Variants in SNX9 observed in about 807,000 individuals in gnomAD.
SNX9 encodes sorting nexin 9.
SNX9 carries 44 observed loss-of-function variants against 89.4 expected under a neutral mutation model. That is an observed-to-expected ratio of 0.49 (90% confidence interval 0.39 to 0.63). The LOEUF is 0.63. Among genes scored for constraint, SNX9 ranks in the 30% least tolerant of loss-of-function variants. The pLI, the probability that SNX9 is intolerant of heterozygous loss-of-function variation, is 0.00. For missense variants in SNX9, 578 were observed against 736.1 expected (o/e 0.79, Z 2.49); for synonymous variants, 236 against 247.8 (o/e 0.95, Z 0.45).
chr6:157,890,214 T>C (rs1173933327), intron 4 of SNX9, among the ~76,000 whole-genome samples: 5 of 152,190 alleles, frequency 3.3e-5, no homozygotes, highest in Non-Finnish European at 1.5e-5. Flanking sequence ...ATGTGCAGCT[T>C]TCCTACACTC....
rs1208803818 is a variant in SNX9 at position 157,874,499 on chromosome 6, C to T, written c.175-552C>T. ...TGCTTACCTTTAAGAATATAAAACC[C>T]CCTCTATTAGAAATAGATCCTGCAG... On this transcript the variant is annotated intron_variant, in intron 3 of 17. Coordinates refer to ENST00000392185, the MANE Select transcript of SNX9 (RefSeq NM_016224.5). The T allele has an allele frequency of 2.0e-5, 3 of 152,132 alleles. No homozygotes were observed. In the South Asian group the frequency reaches 6.2e-4, roughly 31 times the overall value. 9.4% of individuals were successfully genotyped at this position (152,132 alleles called of 1,614,324 possible).
At chr6:157,897,923 ACCAGCCC>A (rs1316272202) in intron 5 of SNX9, among the ~76,000 whole-genome samples, 1 of 152,092 alleles carries the variant, frequency 6.6e-6, no homozygotes, top group Non-Finnish European at 1.5e-5. Context: ...CCTTCTGTTG[ACCAGCCC>A]CCATCCCACC....
intron 4 of SNX9, among the ~76,000 whole-genome samples, chr6:157,894,198 C>G (rs1476079923): frequency 6.8e-6 from 1 of 146,856 alleles, no homozygotes; most frequent in African/African-American, 2.5e-5. Flanking sequence ...CAATCTCCGC[C>G]TCCTGGATTC....
intron 1 of SNX9, among the ~76,000 whole-genome samples, chr6:157,833,656 C>A (rs1781516643): frequency 6.6e-6 from 1 of 152,196 alleles, no homozygotes; most frequent in African/African-American, 2.4e-5. Context: ...CATGTGCCTT[C>A]TCCCTCAGGA....
At chr6:157,935,284 A>G (rs1180678677) in intron 13 of SNX9, among the ~76,000 whole-genome samples, 1 of 152,220 alleles carries the variant, frequency 6.6e-6, no homozygotes, top group East Asian at 1.9e-4. Context: ...AACTCATACT[A>G]AAATAAAAGA....
In SNX9 at chr6:157,938,728, C is replaced by G; in HGVS notation, c.1629C>G (p.Ile543Met). Residue 543 changes from isoleucine to methionine, a missense_variant, in exon 16 of 18, where the codon ATC becomes ATG. Coordinates refer to ENST00000392185, the MANE Select transcript of SNX9 (RefSeq NM_016224.5). ...AGAACATGGTGAAGAGAGTCAGCATCATGTCTTACGCGTTGCAAGGTAAGA... is the reference window on the plus strand; with the variant it reads ...AGAACATGGTGAAGAGAGTCAGCATGATGTCTTACGCGTTGCAAGGTAAGA... ...DKQNMVKRVS[I>M]MSYALQAEMN... The G allele has an allele frequency of 6.2e-7, 1 of 1,613,834 alleles. No individual in the cohort carries two copies. The highest frequency in any genetic ancestry group is 8.5e-7 in the Non-Finnish European group (1 of 1,179,810).
chr6:157,936,108 C>T, intron 14 of SNX9, 68 bp downstream of exon 14: 1 of 1,303,324 alleles, frequency 7.7e-7, no homozygotes, highest in Non-Finnish European at 1.1e-6. Context: ...TAATTTAAAA[C>T]CTGTCTTAGG....
At chr6:157,876,764 GC>G (rs1782530118) in intron 4 of SNX9, among the ~76,000 whole-genome samples, 1 of 152,230 alleles carries the variant, frequency 6.6e-6, no homozygotes, top group Admixed American at 6.5e-5. Flanking sequence ...GCCGTTTGAG[GC>G]CCCGCGCCCT....
intron 1 of SNX9, among the ~76,000 whole-genome samples, chr6:157,862,444 C>T (rs1008762062): frequency 3.3e-5 from 5 of 152,184 alleles, no homozygotes; most frequent in Admixed American, 2.6e-4. Flanking sequence ...TGCAAAACTT[C>T]ACTTCTCGAG....
chr6:157,845,105 C>CTTTTTTT (rs35257389), intron 1 of SNX9, among the ~76,000 whole-genome samples: 1 of 124,808 alleles, frequency 8.0e-6, no homozygotes, highest in Non-Finnish European at 1.7e-5. Context: ...TCCCATTTGT[C>CTTTTTTT]TTTTTTTTTT....
intron 9 of SNX9, among the ~76,000 whole-genome samples, chr6:157,919,849 C>G (rs1248418903): frequency 6.6e-6 from 1 of 152,172 alleles, no homozygotes; most frequent in Non-Finnish European, 1.5e-5. Flanking sequence ...ACTCCAGATT[C>G]TGAGTTTACC....
intron 15 of SNX9, 131 bp from the exon 16 acceptor site, chr6:157,938,501 CT>C: frequency 1.7e-6 from 1 of 581,746 alleles, no homozygotes; most frequent in East Asian, 2.9e-5. Context: ...ATGCTTTCCT[CT>C]CTTCTTATTT....
chr6:157,908,523 A>G (rs1162117529), intron 7 of SNX9, among the ~76,000 whole-genome samples: 3 of 152,170 alleles, frequency 2.0e-5, no homozygotes, highest in African/African-American at 7.2e-5. Flanking sequence ...TGTCATTGTG[A>G]TCAAAGTTTA....
chr6:157,940,137 G>A (rs758352092), intron 16 of SNX9, among the ~76,000 whole-genome samples: 83 of 152,202 alleles, frequency 5.5e-4, no homozygotes, highest in Non-Finnish European at 9.0e-4. Flanking sequence ...TGTCCCACAC[G>A]CTGCCCAGCC....
chr6:157,891,316 G>A (rs1360074837), intron 4 of SNX9, among the ~76,000 whole-genome samples: 3 of 151,972 alleles, frequency 2.0e-5, no homozygotes, highest in African/African-American at 7.3e-5. Flanking sequence ...AGTGTGAACC[G>A]CTGCGCCTGG....
intron 1 of SNX9, among the ~76,000 whole-genome samples, chr6:157,845,866 T>C (rs907889421): frequency 6.6e-6 from 1 of 152,226 alleles, no homozygotes; most frequent in African/African-American, 2.4e-5. Flanking sequence ...GAATTTGGTA[T>C]TGTTTTGTTC....
At chr6:157,930,056 C>T (rs1308525187) in intron 12 of SNX9, among the ~76,000 whole-genome samples, 2 of 152,104 alleles carry the variant, frequency 1.3e-5, no homozygotes, top group Admixed American at 6.5e-5. Context: ...CTTGTGGCTC[C>T]ATAAAGCCTA....
At chr6:157,871,208 C>G (rs1368583957) in intron 2 of SNX9, among the ~76,000 whole-genome samples, 1 of 152,058 alleles carries the variant, frequency 6.6e-6, no homozygotes, top group African/African-American at 2.4e-5. Context: ...GGCAAAACCT[C>G]ATCTCTACAA....
chr6:157,875,180 C>CGTCT lies in SNX9; in HGVS notation c.300+5_300+8dup, dbSNP rs1232034439. 6.2e-7 allele frequency: 1 copy of CGTCT among 1,605,244 alleles called. No individual in the cohort carries two copies. Among genetic ancestry groups the CGTCT allele is most frequent in the Non-Finnish European group, 8.5e-7 (1 of 1,175,382 alleles). On this transcript the variant is annotated splice_donor_region_variant and intron_variant, in intron 4 of 17. Coordinates refer to ENST00000392185, the MANE Select transcript of SNX9 (RefSeq NM_016224.5). Reference sequence around the variant, plus strand: ...GGCTGCCAGCAACAATCACCAGGTACGTCTCACTTCCTCCTTCTGGATGTG... The same window carrying CGTCT: ...GGCTGCCAGCAACAATCACCAGGTACGTCTGTCTCACTTCCTCCTTCTGGATGTG...
Sources: allele counts gnomAD v4.1 joint callset (sites outside exome capture counted in the v4.1 genomes callset), GRCh38; gene constraint gnomAD v4.1.1; transcripts MANE v1.5; gene names NCBI Gene and HGNC (gene_info 2026-07-23, HGNC 2026-07-21).